The following BNIP3L variants were observed in gnomAD, a reference collection of about 807,000 sequenced individuals.
BNIP3L encodes the protein BCL2/adenovirus E1B 19 kDa protein-interacting protein 3-like.
BNIP3L carries 10 observed loss-of-function variants against 25.5 expected under a neutral mutation model. The observed-to-expected ratio is 0.39, with a 90% CI of 0.24 to 0.67. The LOEUF is 0.67. BNIP3L is among the 30% of genes least tolerant of loss of function. BNIP3L has a pLI of 0.45. For synonymous variants in BNIP3L, 113 were observed against 101.2 expected, an observed-to-expected ratio of 1.12 and a Z score of -0.70; for missense variants, 215 against 270.9, an observed-to-expected ratio of 0.79 and a Z score of 1.45.
intron 5 of BNIP3L, 38 bp from the exon 6 acceptor site, chr8:26,410,326 T>C (rs775766117): frequency 6.2e-7 from 1 of 1,613,110 alleles, no homozygotes; most frequent in South Asian, 1.1e-5. Context: ...ATAGAACTGT[T>C]GAAACAGGTG....
chr8:26,406,589 G>A (rs899230850), intron 3 of BNIP3L, among the ~76,000 whole-genome samples: 1 of 152,176 alleles, frequency 6.6e-6, no homozygotes, highest in African/African-American at 2.4e-5. Context: ...GGAGGCTGAG[G>A]CAGGGAAGAT....
At chr8:26,406,142 T>A (rs1325438760) in intron 3 of BNIP3L, among the ~76,000 whole-genome samples, 1 of 152,260 alleles carries the variant, frequency 6.6e-6, no homozygotes, top group Non-Finnish European at 1.5e-5. Flanking sequence ...TTGGAAATGT[T>A]AATTGTTCTT....
intron 3 of BNIP3L, among the ~76,000 whole-genome samples, chr8:26,402,568 G>C (rs1217327301): frequency 1.3e-5 from 2 of 152,112 alleles, no homozygotes; most frequent in Admixed American, 1.3e-4. Flanking sequence ...GCAGCCCCAG[G>C]TTCCCCCACA....
At chr8:26,395,988 C>G (rs1456473122) in intron 3 of BNIP3L, 2 of 157,976 alleles carry the variant, frequency 1.3e-5, no homozygotes, top group African/African-American at 4.8e-5. Flanking sequence ...CACGGAATCT[C>G]GCTGATTGCT....
chr8:26,393,687 G>A lies in BNIP3L; in HGVS notation c.285-1543G>A, dbSNP rs143609693. Among the ~76,000 whole-genome samples, 957 of 152,180 alleles carry A rather than the reference G, an allele frequency of 6.3e-3. 6 individuals carry two copies. Among genetic ancestry groups the A allele is most frequent in the Middle Eastern group, 0.017 (5 of 294 alleles). On this transcript the variant is annotated intron_variant, in intron 2 of 5. Transcript: ENST00000380629. ...ACTGCCTTGACCTGGTCACGGCTAT[G>A]TAAGGCTGACCCTTAACTTGATGTG...
At chr8:26,407,247 G>T (rs1270819329) in intron 3 of BNIP3L, among the ~76,000 whole-genome samples, 1 of 150,872 alleles carries the variant, frequency 6.6e-6, no homozygotes, top group African/African-American at 2.4e-5. Flanking sequence ...GTGTAGTGGC[G>T]CGATCTCTGC....
At chr8:26,383,466 G>T in intron 1 of BNIP3L, 1 of 1,327,684 alleles carries the variant, frequency 7.5e-7, no homozygotes, top group Non-Finnish European at 9.6e-7. Flanking sequence ...CTCGCGGTCC[G>T]GGAGCGGCGC....
intron 3 of BNIP3L, among the ~76,000 whole-genome samples, chr8:26,400,501 G>A (rs374055104): frequency 0.022 from 2,719 of 125,442 alleles, 116 homozygotes; most frequent in African/African-American, 0.083. Flanking sequence ...GGACATAGGC[G>A]TGGGCAAGGA....
chr8:26,393,830 G>A (rs1423773076), intron 2 of BNIP3L, among the ~76,000 whole-genome samples: 1 of 152,012 alleles, frequency 6.6e-6, no homozygotes. Flanking sequence ...TATATATGAC[G>A]TTGGTTTGAT....
At chr8:26,385,984 T>A (rs1489600030) in intron 1 of BNIP3L, among the ~76,000 whole-genome samples, 5 of 152,200 alleles carry the variant, frequency 3.3e-5, no homozygotes. Flanking sequence ...AACAACTTAT[T>A]CAGGCATCTA....
intron 3 of BNIP3L, among the ~76,000 whole-genome samples, chr8:26,405,497 A>T (rs115273301): frequency 6.6e-6 from 1 of 152,176 alleles, no homozygotes; most frequent in Non-Finnish European, 1.5e-5. Context: ...TGGTACTAAC[A>T]AGAGCAGCAG....
At chr8:26,403,113 A>AAG (rs1285373925) in intron 3 of BNIP3L, among the ~76,000 whole-genome samples, 4 of 152,206 alleles carry the variant, frequency 2.6e-5, no homozygotes, top group African/African-American at 9.6e-5. Context: ...GGCTATCATC[A>AAG]AGAGGAGGTA....
rs745554487 is a variant in BNIP3L, at chr8:26,407,986, AT to A, written c.358-12del. On this transcript the variant is annotated splice_polypyrimidine_tract_variant and intron_variant, in intron 3 of 5. Coordinates refer to ENST00000380629, the MANE Select transcript of BNIP3L (RefSeq NM_004331.3). ...TCTTCCTTTTTTTCTTAAAGTTTGA[AT>A]TCTTCTTTACAGTCAGAAGAAGAAG... 90 of 1,610,032 alleles carry A rather than the reference AT, an allele frequency of 5.6e-5. No individual in the cohort carries two copies. Among genetic ancestry groups the A allele is most frequent in the Non-Finnish European group, 7.6e-5 (89 of 1,176,616 alleles).
chr8:26,397,443 G>A (rs1396032345), intron 3 of BNIP3L, among the ~76,000 whole-genome samples: 1,267 of 101,922 alleles, frequency 0.012, no homozygotes, highest in African/African-American at 0.043. Flanking sequence ...GTCACCACCA[G>A]GCCTGCCCTA....
intron 2 of BNIP3L, among the ~76,000 whole-genome samples, chr8:26,393,304 A>G (rs1350234611): frequency 6.7e-6 from 1 of 150,246 alleles, no homozygotes. Context: ...CCATAGAAAT[A>G]TTTGTGTTGC....
chr8:26,390,077 A>T (rs1471864502), intron 1 of BNIP3L, among the ~76,000 whole-genome samples: 1 of 152,152 alleles, frequency 6.6e-6, no homozygotes, highest in African/African-American at 2.4e-5. Flanking sequence ...TTTGCTGTGA[A>T]GTTAAGTTTA....
chr8:26,393,893 A>G (rs368089591), intron 2 of BNIP3L, among the ~76,000 whole-genome samples: 101 of 152,304 alleles, frequency 6.6e-4, no homozygotes, highest in African/African-American at 2.4e-3. Context: ...TCCTATGTCA[A>G]TTATACTAGT....
At chr8:26,395,090 G>C in intron 2 of BNIP3L, 140 bp from the exon 3 acceptor site, 1 of 697,402 alleles carries the variant, frequency 1.4e-6, no homozygotes, top group Admixed American at 3.5e-5. Flanking sequence ...AATTTTTCTT[G>C]TATAGGGTTA....
intron 2 of BNIP3L, among the ~76,000 whole-genome samples, chr8:26,393,599 A>C (rs1806162332): frequency 6.6e-6 from 1 of 151,988 alleles, no homozygotes; most frequent in South Asian, 2.1e-4. Context: ...GGTTGGTACC[A>C]GTGTGAAGAA....
Sources: allele counts gnomAD v4.1 joint callset (sites outside exome capture counted in the v4.1 genomes callset), GRCh38; gene constraint gnomAD v4.1.1; transcripts MANE v1.5; gene names NCBI Gene and HGNC (gene_info 2026-07-23, HGNC 2026-07-21).